TAOK3: variants seen among roughly 807,000 people sequenced by gnomAD.
TAOK3 encodes serine/threonine-protein kinase TAO3.
Under a neutral mutation model 120.4 loss-of-function variants are expected in TAOK3, and 40 were observed. The observed-to-expected ratio is 0.33, with a 90% CI of 0.26 to 0.43. The LOEUF (loss-of-function observed/expected upper bound fraction) is 0.43, where lower values mean the gene tolerates loss of function less well. TAOK3 is among the 20% of genes least tolerant of loss of function. TAOK3 has a pLI of 1.00. For missense variants in TAOK3, 821 were observed against 1,112.1 expected (o/e 0.74, Z 3.72); for synonymous variants, 355 against 387.5 (o/e 0.92, Z 0.99).
intron 1 of TAOK3, among the ~76,000 whole-genome samples, chr12:118,357,423 CA>C (rs1203247778): frequency 6.6e-6 from 1 of 152,132 alleles, no homozygotes; most frequent in East Asian, 1.9e-4. Flanking sequence ...TGGCTTTCCA[CA>C]AAAGGGTCAG....
chr12:118,238,103 G>A lies in TAOK3; in HGVS notation c.407C>T (p.Ala136Val). The A allele has an allele frequency of 1.2e-6, 2 of 1,611,208 alleles. No homozygotes were observed. Among genetic ancestry groups the A allele is most frequent in the Non-Finnish European group, 1.7e-6 (2 of 1,177,890 alleles). ...AITHGALHGL[A>V]YLHSHALIHR... is the part of the protein sequence containing the mutation. ...AATCAATGCATGAGAATGTAGGTAGGCTAGTCCATGCAAGGCTCCATGAGT... is the reference window on the plus strand; with the variant it reads ...AATCAATGCATGAGAATGTAGGTAGACTAGTCCATGCAAGGCTCCATGAGT... The change falls in exon 7 of 21, where the codon GCC (alanine) becomes GTC (valine). Residue 136 changes from alanine to valine, a missense_variant. Ala to Val is a moderately conservative substitution (Grantham distance 64). Around this residue, in one of 2 missense-constraint regions of TAOK3, gnomAD observed 467 missense variants for 540.0 expected, o/e 0.86. Transcript: ENST00000392533.
chr12:118,182,444 C>A (rs2036793912), intron 14 of TAOK3, among the ~76,000 whole-genome samples: 1 of 151,340 alleles, frequency 6.6e-6, no homozygotes, highest in African/African-American at 2.4e-5. Context: ...TAGCAGCATC[C>A]CTGGCCTCTA....
At chr12:118,364,375 T>G (rs2045687897) in intron 1 of TAOK3, among the ~76,000 whole-genome samples, 1 of 152,132 alleles carries the variant, frequency 6.6e-6, no homozygotes, top group South Asian at 2.1e-4. Flanking sequence ...CTTTGACCAC[T>G]GAGAGGTATA....
At chr12:118,222,852 T>C (rs904705537) in intron 9 of TAOK3, among the ~76,000 whole-genome samples, 1 of 152,038 alleles carries the variant, frequency 6.6e-6, no homozygotes, top group East Asian at 1.9e-4. Flanking sequence ...ACAAGTGCAC[T>C]AAAATCTCAG....
chr12:118,370,230 A>G (rs2045859980), intron 1 of TAOK3, among the ~76,000 whole-genome samples: 1 of 152,184 alleles, frequency 6.6e-6, no homozygotes, highest in Non-Finnish European at 1.5e-5. Flanking sequence ...GCCATAGAAG[A>G]ACTGCTCTGT....
At chr12:118,184,563 A>G (rs1251016755) in intron 14 of TAOK3, among the ~76,000 whole-genome samples, 1 of 152,216 alleles carries the variant, frequency 6.6e-6, no homozygotes, top group Non-Finnish European at 1.5e-5. Flanking sequence ...GAGGAAATTC[A>G]TATCACCAAG....
chr12:118,271,632 T>C (rs2041702877), intron 1 of TAOK3, among the ~76,000 whole-genome samples: 1 of 152,254 alleles, frequency 6.6e-6, no homozygotes, highest in African/African-American at 2.4e-5. Flanking sequence ...ACTAGAATTA[T>C]TCATGTATAA....
At chr12:118,253,464 C>T (rs916452059) in intron 3 of TAOK3, among the ~76,000 whole-genome samples, 8 of 152,132 alleles carry the variant, frequency 5.3e-5, no homozygotes, top group East Asian at 3.9e-4. Context: ...TGGCCTGGCA[C>T]GGTGGCTCAC....
intron 13 of TAOK3, 33 bp from the exon 14 acceptor site, chr12:118,189,974 C>G: frequency 1.2e-6 from 2 of 1,609,592 alleles, no homozygotes; most frequent in Non-Finnish European, 1.7e-6. Context: ...GGAGAAAGTC[C>G]AGCTGTGCTC....
intron 2 of TAOK3, among the ~76,000 whole-genome samples, chr12:118,264,254 TTA>T (rs1401743251): frequency 6.6e-6 from 1 of 152,188 alleles, no homozygotes; most frequent in Non-Finnish European, 1.5e-5. Flanking sequence ...AAATGAAAGC[TTA>T]TGTCAATACA....
intron 3 of TAOK3, among the ~76,000 whole-genome samples, chr12:118,247,488 TAC>T (rs968676950): frequency 4.0e-5 from 6 of 151,272 alleles, no homozygotes; most frequent in African/African-American, 4.8e-5. Flanking sequence ...TATATATATA[TAC>T]ACACACACAC....
At chr12:118,191,699 G>C (rs2037441933) in intron 13 of TAOK3, among the ~76,000 whole-genome samples, 1 of 152,144 alleles carries the variant, frequency 6.6e-6, no homozygotes, top group Admixed American at 6.6e-5. Flanking sequence ...TGTGTAATTG[G>C]GATTCATTCA....
chr12:118,192,300 A>C (rs557249300), intron 13 of TAOK3, among the ~76,000 whole-genome samples: 1 of 152,320 alleles, frequency 6.6e-6, no homozygotes, highest in African/African-American at 2.4e-5. Context: ...ATATTTTTAA[A>C]ATAATGCTAT....
intron 9 of TAOK3, among the ~76,000 whole-genome samples, chr12:118,222,495 T>C (rs1221842867): frequency 6.6e-6 from 1 of 150,682 alleles, no homozygotes; most frequent in Non-Finnish European, 1.5e-5. Flanking sequence ...ATCATGCCAC[T>C]GTACTCCAGC....
intron 17 of TAOK3, among the ~76,000 whole-genome samples, chr12:118,169,158 C>T (rs897534199): frequency 6.6e-6 from 1 of 152,042 alleles, no homozygotes; most frequent in Non-Finnish European, 1.5e-5. Context: ...GGATTACAGG[C>T]ACCCACCACC....
chr12:118,158,544 T>C (rs2034996073), intron 19 of TAOK3, among the ~76,000 whole-genome samples: 1 of 152,076 alleles, frequency 6.6e-6, no homozygotes, highest in Admixed American at 6.6e-5. Flanking sequence ...ACCTCTCAAA[T>C]TGGTCACTAA....
chr12:118,172,743 T>C lies in TAOK3; in HGVS notation c.1696-83A>G, dbSNP rs183670750. Reference sequence around the variant, plus strand: ...CTTATTGCAACTGAAGATTAAGTTATTTGGAAAGCCAATGCAGATGTAAGC... The same window carrying C: ...CTTATTGCAACTGAAGATTAAGTTACTTGGAAAGCCAATGCAGATGTAAGC... On this transcript the variant is annotated intron_variant, in intron 16 of 20. Coordinates refer to ENST00000392533, the MANE Select transcript of TAOK3 (RefSeq NM_016281.4). 11 of 1,265,158 alleles carry C rather than the reference T, an allele frequency of 8.7e-6. No individual in the cohort carries two copies. In the Admixed American group the frequency reaches 1.9e-4, roughly 22 times the overall value. The allele number at this position is 1,265,158 out of a possible 1,614,324, so 78.4% of individuals were successfully genotyped here.
At chr12:118,284,281 G>A (rs1029705121) in intron 1 of TAOK3, among the ~76,000 whole-genome samples, 3 of 152,148 alleles carry the variant, frequency 2.0e-5, no homozygotes, top group African/African-American at 7.2e-5. Flanking sequence ...GGGAGGTCAG[G>A]TTATGGCTAC....
chr12:118,340,991 A>ATTTT (rs201372454), intron 1 of TAOK3, among the ~76,000 whole-genome samples: 1 of 146,824 alleles, frequency 6.8e-6, no homozygotes, highest in African/African-American at 2.5e-5. Context: ...TAATATATCT[A>ATTTT]ATTTTTTTTT....
Sources: allele counts gnomAD v4.1 joint callset (sites outside exome capture counted in the v4.1 genomes callset), GRCh38; gene constraint gnomAD v4.1.1; regional missense constraint gnomAD v4.1.1; transcripts MANE v1.5; gene names NCBI Gene and HGNC (gene_info 2026-07-23, HGNC 2026-07-21).